RUBCN: variants seen among roughly 807,000 people sequenced by gnomAD.
The protein encoded by RUBCN is run domain Beclin-1-interacting and cysteine-rich domain-containing protein.
Under a neutral mutation model 113.2 loss-of-function variants are expected in RUBCN, and 74 were observed. The ratio of observed to expected loss-of-function variants is 0.65; its 90% CI spans 0.54 to 0.79. The LOEUF (loss-of-function observed/expected upper bound fraction) is 0.79, where lower values mean the gene tolerates loss of function less well. Ranked by LOEUF, RUBCN falls within the 30% of genes least tolerant of loss-of-function variation. The probability of loss-of-function intolerance (pLI) is 0.00; values close to 1 mark genes in which losing one functional copy is unlikely to be tolerated. For synonymous variants in RUBCN, 480 were observed against 490.0 expected (o/e 0.98, Z 0.27); for missense variants, 1,109 against 1,251.7 (o/e 0.89, Z 1.72).
intron 2 of RUBCN, among the ~76,000 whole-genome samples, chr3:197,710,372 G>A (rs9985247): frequency 0.11 from 16,048 of 151,852 alleles, 1,070 homozygotes; most frequent in African/African-American, 0.18. Flanking sequence ...AGGCTGAGGC[G>A]GGTGGATCAC....
chr3:197,682,037 A>T, intron 14 of RUBCN, 138 bp from the exon 15 acceptor site: 1 of 739,094 alleles, frequency 1.4e-6, no homozygotes, highest in East Asian at 2.7e-5. Context: ...TTAGTTGGAC[A>T]AAAATGAACC....
rs148607167 is a variant in RUBCN, at chr3:197,675,980, G to A, written c.2647-465C>T. 1.3e-3 allele frequency among the ~76,000 whole-genome samples: 191 copies of A among 152,258 alleles called. 1 individual carries two copies. The highest frequency in any genetic ancestry group is 1.2e-3 in the Non-Finnish European group (82 of 68,028). On this transcript the variant is annotated intron_variant, in intron 18 of 19. Coordinates refer to ENST00000296343, the MANE Select transcript of RUBCN (RefSeq NM_014687.4). This position sits in a 1 kb window ranked among gnomAD's most constrained non-coding sequence, Gnocchi z 4.4. ...AGGGTTTCCTACCTGTGCCCAGCTC[G>A]AATTATGGGACGGTCACAGGAACAT... is the stretch of plus-strand genomic sequence containing the variant.
At chr3:197,749,473 GA>G in exon 1 of RUBCN, 1 of 1,276,634 alleles carries the variant, frequency 7.8e-7, no homozygotes, top group Non-Finnish European at 1.0e-6. Context: ...GCGTGCCAGG[GA>G]GGGGGGAGCT....
At chr3:197,741,888 T>C (rs1293960822), upstream of RUBCN, among the ~76,000 whole-genome samples, 2 of 151,910 alleles carry the variant, frequency 1.3e-5, no homozygotes, top group Non-Finnish European at 2.9e-5. Flanking sequence ...GAACGGTGGA[T>C]AAAAATGTGT....
At chr3:197,727,673 T>TA (rs1449301132) in intron 1 of RUBCN, among the ~76,000 whole-genome samples, 1 of 152,208 alleles carries the variant, frequency 6.6e-6, no homozygotes, top group African/African-American at 2.4e-5. Context: ...GTAGGAAAGC[T>TA]AGGAAGGACT....
chr3:197,737,027 G>C (rs908184979), upstream of RUBCN: 32 of 952,132 alleles, frequency 3.4e-5, no homozygotes, highest in Non-Finnish European at 4.0e-5. Context: ...ACGGCAGGCC[G>C]CTCCCGCAAG....
intron 1 of RUBCN, among the ~76,000 whole-genome samples, chr3:197,744,396 T>C (rs1728654140): frequency 6.6e-6 from 1 of 152,192 alleles, no homozygotes; most frequent in Admixed American, 6.6e-5. Context: ...TATTAATACA[T>C]TTTGCAAGAA....
At chr3:197,689,702 T>C (rs1722216322) in intron 11 of RUBCN, among the ~76,000 whole-genome samples, 1 of 152,244 alleles carries the variant, frequency 6.6e-6, no homozygotes, top group South Asian at 2.1e-4. Flanking sequence ...ACCATAATAT[T>C]TGTACATATT....
At chr3:197,700,200 TCTCTCTGC>T (rs1214699007) in intron 7 of RUBCN, among the ~76,000 whole-genome samples, 1 of 152,162 alleles carries the variant, frequency 6.6e-6, no homozygotes, top group Non-Finnish European at 1.5e-5. Flanking sequence ...AACCCCAGTA[TCTCTCTGC>T]CTCTCTCACA....
intron 6 of RUBCN, 117 bp downstream of exon 6, chr3:197,701,588 CTTA>C: frequency 1.2e-6 from 1 of 840,062 alleles, no homozygotes; most frequent in Non-Finnish European, 2.0e-6. Flanking sequence ...AAAGATGTCC[CTTA>C]TTAAGAAAAA....
chr3:197,692,254 A>G (rs959017100), intron 11 of RUBCN, among the ~76,000 whole-genome samples: 1 of 151,958 alleles, frequency 6.6e-6, no homozygotes, highest in Non-Finnish European at 1.5e-5. Context: ...GAACACATCA[A>G]TGCACCTGGG....
At chr3:197,704,515 T>A in intron 4 of RUBCN, 27 bp downstream of exon 4, 1 of 1,608,752 alleles carries the variant, frequency 6.2e-7, no homozygotes, top group Middle Eastern at 1.7e-4. Context: ...GAAGCACAGA[T>A]GACAGTCCTA....
chr3:197,694,520 C>G lies in RUBCN; in HGVS notation c.1539G>C (p.Met513Ile). The change falls in exon 10 of 20, where the codon ATG (methionine) becomes ATC (isoleucine). Residue 513 changes from methionine to isoleucine, a missense_variant. Met to Ile is a conservative substitution (Grantham distance 10). Transcript: ENST00000296343. ...IAAIELMKCN[M>I]MSQCLEEEEV... The stretch of plus-strand genomic sequence containing the variant: ...CCTCCTCCTCTAGGCACTGGCTCAT[C>G]ATGTTGCACTTCATTAGCTCGATGG... 1 of 1,614,224 alleles carries G rather than the reference C, an allele frequency of 6.2e-7. No individual in the cohort carries two copies.
At position 197,683,644 on chromosome 3, in the gene RUBCN, C is replaced by G. The variant is rs905524375; in HGVS notation, c.1848-205G>C. ...AAGACTTCGGTTCAAGCCCCACTTC[C>G]TGCCACTGCACGGCACTGCTAATGA... On this transcript the variant is annotated intron_variant, in intron 12 of 19. Coordinates refer to ENST00000296343, the MANE Select transcript of RUBCN (RefSeq NM_014687.4). The surrounding 1 kb of genome is among the most constrained non-coding windows in gnomAD (Gnocchi z 4.6). Among the ~76,000 whole-genome samples, 6 of 152,212 alleles carry G rather than the reference C, an allele frequency of 3.9e-5. No homozygotes were observed. The highest frequency in any genetic ancestry group is 8.8e-5 in the Non-Finnish European group (6 of 68,030).
chr3:197,736,933 C>T (rs1483303601), upstream of RUBCN: 2 of 1,343,782 alleles, frequency 1.5e-6, no homozygotes, highest in East Asian at 6.3e-5. Context: ...GGACTACAGC[C>T]CCCGGCGAGC....
chr3:197,707,783 G>A (rs965147867), intron 2 of RUBCN, among the ~76,000 whole-genome samples: 1 of 151,726 alleles, frequency 6.6e-6, no homozygotes, highest in Admixed American at 6.6e-5. Context: ...TGGTCAACAT[G>A]GTGAAACCCT....
rs928784521 is a variant in RUBCN, at chr3:197,736,851, G to A, written c.-132C>T. On this transcript the variant is annotated 5_prime_UTR_variant, in exon 1 of 20. Coordinates refer to ENST00000296343, the MANE Select transcript of RUBCN (RefSeq NM_014687.4). ...GGCTCCGGGTGATGCGCTACACCCG[G>A]GCGGCGACAGCGGGAGGGACCGCCG... The A allele has an allele frequency of 7.2e-7, 1 of 1,385,784 alleles. No individual in the cohort carries two copies. The highest frequency in any genetic ancestry group is 2.9e-5 in the East Asian group (1 of 33,956). The allele number at this position is 1,385,784 out of a possible 1,614,324, so 85.8% of individuals were successfully genotyped here.
chr3:197,743,071 A>C (rs982639491), intron 1 of RUBCN, among the ~76,000 whole-genome samples: 6 of 152,312 alleles, frequency 3.9e-5, no homozygotes, highest in East Asian at 3.9e-4. Flanking sequence ...CAGATTCCCT[A>C]GTCACACAGA....
rs139948517 is a variant in RUBCN at position 197,706,907 on chromosome 3, G to A, written c.220-1732C>T. 4.0e-3 allele frequency among the ~76,000 whole-genome samples: 610 copies of A among 152,270 alleles called. 2 individuals carry two copies. The highest frequency in any genetic ancestry group is 0.014 in the African/African-American group (587 of 41,552). ...AGGCTCTTTTGACAATAAACATCAT[G>A]AAGACCTTCAGTATTCTGGTGGTAG... On this transcript the variant is annotated intron_variant, in intron 2 of 19. Coordinates refer to ENST00000296343, the MANE Select transcript of RUBCN (RefSeq NM_014687.4).
Sources: gnomAD v4.1 joint callset for allele counts (sites outside exome capture counted in the v4.1 genomes callset) on GRCh38, gnomAD v4.1.1 for gene constraint, Gnocchi (gnomAD v3.1) non-coding constraint, MANE v1.5 for transcripts, NCBI Gene and HGNC (gene_info 2026-07-23, HGNC 2026-07-21) for gene names.